NWD2: variants seen among roughly 807,000 people sequenced by gnomAD.
NWD2 encodes the protein NACHT and WD repeat domain containing 2, also known as NACHT and WD repeat domain-containing protein 2.
A neutral mutation model predicts 132.7 loss-of-function variants in NWD2; 37 were observed. The observed-to-expected ratio is 0.28, with a 90% CI of 0.21 to 0.37. The LOEUF is 0.37. Among genes scored for constraint, NWD2 ranks in the 10% least tolerant of loss-of-function variants. The pLI is 1.00. For missense variants in NWD2, 1,592 were observed against 2,122.4 expected (o/e 0.75, Z 4.91); for synonymous variants, 705 against 803.0 (o/e 0.88, Z 2.06).
intron 2 of NWD2, among the ~76,000 whole-genome samples, chr4:37,344,643 C>T (rs1719595341): frequency 6.6e-6 from 1 of 152,090 alleles, no homozygotes; most frequent in African/African-American, 2.4e-5. Context: ...ATTTGGTTCA[C>T]ATGTAGTTAG....
At chr4:37,352,618 C>T (rs1374348478) in intron 2 of NWD2, among the ~76,000 whole-genome samples, 2 of 152,120 alleles carry the variant, frequency 1.3e-5, no homozygotes, top group Non-Finnish European at 2.9e-5. Flanking sequence ...ATGTAATGCC[C>T]TTCTTTGTCT....
intron 1 of NWD2, among the ~76,000 whole-genome samples, chr4:37,270,174 A>G (rs1717837399): frequency 6.6e-6 from 1 of 151,814 alleles, no homozygotes; most frequent in Non-Finnish European, 1.5e-5. Flanking sequence ...ATTCTATGTT[A>G]TAAAATAATA....
At chr4:37,430,130 A>T (rs1455418729) in intron 3 of NWD2, among the ~76,000 whole-genome samples, 1 of 151,980 alleles carries the variant, frequency 6.6e-6, no homozygotes, top group East Asian at 1.9e-4. Flanking sequence ...ACTTCTTTTT[A>T]TTGTAGCAGT....
chr4:37,332,260 G>A (rs372029177), intron 2 of NWD2, among the ~76,000 whole-genome samples: 4 of 152,094 alleles, frequency 2.6e-5, no homozygotes, highest in South Asian at 2.1e-4. Context: ...TGCAGCTCAC[G>A]GCTCTGGGAG....
chr4:37,412,715 A>T (rs1352673591), intron 3 of NWD2, among the ~76,000 whole-genome samples: 1 of 152,222 alleles, frequency 6.6e-6, no homozygotes, highest in Non-Finnish European at 1.5e-5. Flanking sequence ...GCATCATGCT[A>T]CCTGACTTCA....
chr4:37,425,272 G>A (rs1711969739), intron 3 of NWD2, among the ~76,000 whole-genome samples: 1 of 152,174 alleles, frequency 6.6e-6, no homozygotes. Flanking sequence ...ATTAGGAAGT[G>A]TTTATTATTC....
chr4:37,289,366 G>A (rs1718311904), intron 1 of NWD2, among the ~76,000 whole-genome samples: 1 of 152,056 alleles, frequency 6.6e-6, no homozygotes, highest in Admixed American at 6.5e-5. Flanking sequence ...ACCACATGAG[G>A]CCAACCAACC....
rs141912610 is a variant in NWD2 at position 37,393,752 on chromosome 4, T to A, written c.358-36820T>A. Among the ~76,000 whole-genome samples the A allele has an allele frequency of 3.7e-3, 558 of 152,344 alleles. 1 individual carries two copies. Among genetic ancestry groups the A allele is most frequent in the African/African-American group, 0.013 (532 of 41,576 alleles). The stretch of plus-strand genomic sequence containing the variant: ...TCACAGCTCCTGATGTAACACGGAC[T>A]TCTGCAGATTTCCTGTTAACTTAAC... On this transcript the variant is annotated intron_variant, in intron 3 of 6. Transcript: ENST00000309447.
At chr4:37,269,596 A>G (rs778490470) in intron 1 of NWD2, among the ~76,000 whole-genome samples, 5 of 151,928 alleles carry the variant, frequency 3.3e-5, no homozygotes, top group African/African-American at 4.8e-5. Context: ...AAATGGAATC[A>G]TAGGTACCTT....
In NWD2 at chr4:37,245,091, C is replaced by G. The variant is rs1453290289; in HGVS notation, c.24C>G (p.Thr8=). The change falls in exon 1 of 7, where the codon ACC becomes ACG. Residue 8 remains threonine, a synonymous_variant. Coordinates refer to ENST00000309447, the MANE Select transcript of NWD2 (RefSeq NM_001144990.2). ...CGATGTGGCCGGCCGGCGCGGGCAC[C>G]AAGCTGCCCTGTCCCCGAGACTCTG... MWPAGAG[T]KLPCPRDSAL... is the part of the protein sequence containing the mutation. 6.5e-7 allele frequency: 1 copy of G among 1,546,572 alleles called. No individual in the cohort carries two copies. The highest frequency in any genetic ancestry group is 8.7e-7 in the Non-Finnish European group (1 of 1,146,500).
chr4:37,356,430 G>C lies in NWD2; in HGVS notation c.305G>C (p.Arg102Pro). 5 of 1,551,492 alleles carry C rather than the reference G, an allele frequency of 3.2e-6. No individual in the cohort carries two copies. Among genetic ancestry groups the C allele is most frequent in the Non-Finnish European group, 4.4e-6 (5 of 1,146,826 alleles). Reference protein sequence around the residue: ...EWDSPELQKTRMKLLENCLKT... With the variant: ...EWDSPELQKTPMKLLENCLKT... ...GACAGCCCAGAGCTCCAGAAGACCCGCATGAAGCTGCTGGAGAATTGCTTG... is the reference window on the plus strand; with the variant it reads ...GACAGCCCAGAGCTCCAGAAGACCCCCATGAAGCTGCTGGAGAATTGCTTG... The change falls in exon 3 of 7, where the codon CGC (arginine) becomes CCC (proline). Residue 102 changes from arginine to proline, a missense_variant. By Grantham distance (103) the Arg-to-Pro change is moderately radical. Coordinates refer to ENST00000309447, the MANE Select transcript of NWD2 (RefSeq NM_001144990.2).
At chr4:37,357,049 C>T (rs1208172464) in intron 3 of NWD2, among the ~76,000 whole-genome samples, 5 of 152,070 alleles carry the variant, frequency 3.3e-5, no homozygotes, top group African/African-American at 9.7e-5. Flanking sequence ...ATTAATTCAT[C>T]GTTATTTTCT....
chr4:37,319,220 G>A (rs1485290999), intron 1 of NWD2, among the ~76,000 whole-genome samples: 1 of 151,880 alleles, frequency 6.6e-6, no homozygotes, highest in Non-Finnish European at 1.5e-5. Context: ...GCATTTCTTG[G>A]TGACCAGTGA....
chr4:37,416,194 G>A (rs377644539), intron 3 of NWD2, among the ~76,000 whole-genome samples: 1 of 152,194 alleles, frequency 6.6e-6, no homozygotes, highest in Non-Finnish European at 1.5e-5. Context: ...GGTAGGGACC[G>A]AGCCAACTGG....
In NWD2 at chr4:37,448,667, G is replaced by T. The variant is rs1331382893; in HGVS notation, c.*1450G>T. The T allele has an allele frequency of 6.6e-6, 1 of 152,176 alleles. No individual in the cohort carries two copies. Among genetic ancestry groups the T allele is most frequent in the African/African-American group, 2.4e-5 (1 of 41,444 alleles). 9.4% of individuals were successfully genotyped at this position (152,176 alleles called of 1,614,324 possible). ...TTACTAGAATAATGAACAAGGAATT[G>T]ATTTGCTCTAGGCCCAGCTCTGCCA... On this transcript the variant is annotated 3_prime_UTR_variant, in exon 7 of 7. Transcript: ENST00000309447.
At chr4:37,345,661 C>T (rs563396061) in intron 2 of NWD2, among the ~76,000 whole-genome samples, 13 of 152,054 alleles carry the variant, frequency 8.5e-5, no homozygotes, top group Admixed American at 7.2e-4. Flanking sequence ...CTATTTTAAC[C>T]TTCTTGGTAC....
intron 3 of NWD2, among the ~76,000 whole-genome samples, chr4:37,364,146 A>G (rs1233371671): frequency 6.6e-6 from 1 of 152,146 alleles, no homozygotes; most frequent in Non-Finnish European, 1.5e-5. Flanking sequence ...TCAAAAACAA[A>G]CAAACAAAAG....
chr4:37,245,206 G>T lies in NWD2; in HGVS notation c.139G>T (p.Ala47Ser). The T allele has an allele frequency of 6.5e-7, 1 of 1,540,100 alleles. No individual in the cohort carries two copies. The highest frequency in any genetic ancestry group is 8.7e-7 in the Non-Finnish European group (1 of 1,145,162). The change falls in exon 1 of 7, where the codon GCC becomes TCC. Residue 47 changes from alanine (A) to serine (S), a missense_variant. By Grantham distance (99) the Ala-to-Ser change is moderately conservative (BLOSUM62 1). This residue lies in a region of NWD2 where 88 missense variants were observed against 92.8 expected (regional missense o/e 0.95). Coordinates refer to ENST00000309447, the MANE Select transcript of NWD2 (RefSeq NM_001144990.2). ...AGRSVRVFIS[A>S]NPEDTGAERQ... ...CCGCAGCGTCCGGGTCTTCATCAGC[G>T]CCAACCCTGAAGGTACGTCCCTCGC...
rs556428590 is a variant in NWD2 at position 37,278,398 on chromosome 4, C to T, written c.151+33180C>T. On this transcript the variant is annotated intron_variant, in intron 1 of 6. Transcript: ENST00000309447. ...GTCACTGGGAATGGACATCATCCAC[C>T]ACTGCAAGTCAGGTGAGCCCCTTTA... is the stretch of plus-strand genomic sequence containing the variant. 1.1e-4 allele frequency among the ~76,000 whole-genome samples: 16 copies of T among 152,276 alleles called. No homozygotes were observed. The South Asian group carries it at 3.3e-3, about 32-fold the overall frequency.
Sources: gnomAD v4.1 joint callset for allele counts (sites outside exome capture counted in the v4.1 genomes callset) on GRCh38, gnomAD v4.1.1 for gene constraint, gnomAD v4.1.1 regional missense constraint, MANE v1.5 for transcripts, NCBI Gene and HGNC (gene_info 2026-07-23, HGNC 2026-07-21) for gene names.